Variants in CDH13 observed in about 807,000 individuals in gnomAD.
The protein encoded by CDH13 is cadherin-13.
CDH13 carries 24 observed loss-of-function variants against 63.8 expected under a neutral mutation model. The observed-to-expected ratio is 0.38, with a 90% confidence interval of 0.27 to 0.53. CDH13 has a LOEUF of 0.53. Among genes scored for constraint, CDH13 ranks in the 20% least tolerant of loss-of-function variants. The pLI is 0.85. For synonymous variants in CDH13, 503 were observed against 355.3 expected, an observed-to-expected ratio of 1.42 and a Z score of -4.67; for missense variants, 1,049 against 903.1, an observed-to-expected ratio of 1.16 and a Z score of -2.07.
intron 6 of CDH13, among the ~76,000 whole-genome samples, chr16:83,362,248 C>T (rs967250308): frequency 2.6e-5 from 4 of 152,184 alleles, no homozygotes; most frequent in South Asian, 2.1e-4. Context: ...TCCACATATT[C>T]ATGAGGCAAT....
intron 1 of CDH13, among the ~76,000 whole-genome samples, chr16:82,813,427 A>G (rs2037547487): frequency 6.6e-6 from 1 of 152,142 alleles, no homozygotes; most frequent in South Asian, 2.1e-4. Context: ...GCAGATATTA[A>G]AACCTTATTG....
intron 11 of CDH13, among the ~76,000 whole-genome samples, chr16:83,754,639 T>G (rs1424504150): frequency 6.6e-6 from 1 of 152,198 alleles, no homozygotes; most frequent in African/African-American, 2.4e-5. Context: ...TCATGAGATC[T>G]GATGGTTTTA....
At chr16:82,954,442 C>G (rs906094678) in intron 2 of CDH13, 3 of 152,040 alleles carry the variant, frequency 2.0e-5, no homozygotes, top group African/African-American at 7.2e-5. Flanking sequence ...GCTGCACTTC[C>G]GTCCTACAAG....
chr16:83,024,538 C>G (rs1915624595), intron 2 of CDH13, among the ~76,000 whole-genome samples: 2 of 152,096 alleles, frequency 1.3e-5, no homozygotes, highest in South Asian at 4.2e-4. Flanking sequence ...TTGGATTTGA[C>G]CTCGGTTCAT....
intron 2 of CDH13, among the ~76,000 whole-genome samples, chr16:82,925,047 C>G (rs537473623): frequency 6.6e-6 from 1 of 152,104 alleles, no homozygotes; most frequent in Non-Finnish European, 1.5e-5. Flanking sequence ...TATTTTTCTT[C>G]CATTAATCAT....
At chr16:83,006,428 T>TA (rs1019896607) in intron 2 of CDH13, among the ~76,000 whole-genome samples, 3 of 152,174 alleles carry the variant, frequency 2.0e-5, no homozygotes, top group Non-Finnish European at 4.4e-5. Flanking sequence ...AGCTCCTCTC[T>TA]AAAAAATGCC....
At chr16:82,694,886 G>A (rs1449937523) in intron 1 of CDH13, among the ~76,000 whole-genome samples, 1 of 152,158 alleles carries the variant, frequency 6.6e-6, no homozygotes, top group East Asian at 1.9e-4. Context: ...GGCGCCTTGG[G>A]TATTCTTACT....
chr16:83,664,721 G>A (rs2150843765), intron 8 of CDH13, among the ~76,000 whole-genome samples: 1 of 152,190 alleles, frequency 6.6e-6, no homozygotes, highest in African/African-American at 2.4e-5. Context: ...AATTGATCTA[G>A]CACCATTTAC....
chr16:83,240,057 G>A (rs570726081), intron 5 of CDH13, among the ~76,000 whole-genome samples: 1 of 152,204 alleles, frequency 6.6e-6, no homozygotes, highest in Admixed American at 6.5e-5. Flanking sequence ...GCAGGAGGTT[G>A]GGTGCAGGGG....
rs530168524 is a variant in CDH13 at position 83,156,529 on chromosome 16, C to T, written c.483+31028C>T. 2.0e-5 allele frequency among the ~76,000 whole-genome samples: 3 copies of T among 152,202 alleles called. No individual in the cohort carries two copies. In the East Asian group the frequency reaches 5.8e-4, roughly 29 times the overall value. On this transcript the variant is annotated intron_variant, in intron 4 of 13. Coordinates refer to ENST00000567109, the MANE Select transcript of CDH13 (RefSeq NM_001257.5). ...TGTGTCCAAGCTGATGAAGGGTGCT[C>T]TTTTAAGTTGGAGAAAATTGATTTT... is the stretch of plus-strand genomic sequence containing the variant.
chr16:83,667,577 C>G (rs11525693), intron 8 of CDH13, among the ~76,000 whole-genome samples: 15,424 of 152,108 alleles, frequency 0.1, 850 homozygotes, highest in East Asian at 0.21. Flanking sequence ...GCACCATTAT[C>G]ACAGTGCTAG....
intron 1 of CDH13, among the ~76,000 whole-genome samples, chr16:82,842,112 GTATA>G (rs1239169050): frequency 3.7e-4 from 22 of 58,962 alleles, no homozygotes; most frequent in African/African-American, 1.5e-3. Context: ...ATATATATAT[GTATA>G]TATATATATA....
At chr16:83,264,111 C>T (rs1263048879) in intron 5 of CDH13, among the ~76,000 whole-genome samples, 1 of 152,186 alleles carries the variant, frequency 6.6e-6, no homozygotes, top group African/African-American at 2.4e-5. Flanking sequence ...ACCCCATTTT[C>T]AAGGCAACTG....
At chr16:82,663,533 C>G (rs1912226006) in intron 1 of CDH13, among the ~76,000 whole-genome samples, 1 of 152,160 alleles carries the variant, frequency 6.6e-6, no homozygotes, top group African/African-American at 2.4e-5. Flanking sequence ...AGTGACTCCC[C>G]TAGAAATTCA....
intron 8 of CDH13, among the ~76,000 whole-genome samples, chr16:83,620,065 G>T (rs1909665239): frequency 6.6e-6 from 1 of 152,034 alleles, no homozygotes; most frequent in South Asian, 2.1e-4. Flanking sequence ...TTTATTCCAA[G>T]TGCATGGGGA....
chr16:82,675,579 G>T (rs1252074491), intron 1 of CDH13, among the ~76,000 whole-genome samples: 1 of 152,114 alleles, frequency 6.6e-6, no homozygotes, highest in African/African-American at 2.4e-5. Context: ...CAATTCCTTT[G>T]GTTAAAGATG....
intron 7 of CDH13, among the ~76,000 whole-genome samples, chr16:83,492,240 A>T (rs1213706163): frequency 6.6e-6 from 1 of 152,214 alleles, no homozygotes; most frequent in Non-Finnish European, 1.5e-5. Flanking sequence ...CAGTGCCTTC[A>T]ATGAAAGATA....
rs535577450 is a variant in CDH13 at position 83,029,035 on chromosome 16, T to C, written c.158-2975T>C. 2.9e-4 allele frequency among the ~76,000 whole-genome samples: 44 copies of C among 152,268 alleles called. 1 individual carries two copies. The highest frequency in any genetic ancestry group is 9.6e-4 in the African/African-American group (40 of 41,544). On this transcript the variant is annotated intron_variant, in intron 2 of 13. Coordinates refer to ENST00000567109, the MANE Select transcript of CDH13 (RefSeq NM_001257.5). ...CCTCAGTTTCCTTATCTAGAAACTG[T>C]AGGAGAAGGGGATCAAAATAGTACT...
intron 1 of CDH13, among the ~76,000 whole-genome samples, chr16:82,850,613 G>A (rs1383083175): frequency 1.3e-5 from 2 of 152,190 alleles, no homozygotes; most frequent in Admixed American, 6.5e-5. Flanking sequence ...AAGTTCTCCT[G>A]TGGGTTAGAT....
Sources: gnomAD v4.1 joint callset for allele counts (sites outside exome capture counted in the v4.1 genomes callset) on GRCh38, gnomAD v4.1.1 for gene constraint, MANE v1.5 for transcripts, NCBI Gene and HGNC (gene_info 2026-07-23, HGNC 2026-07-21) for gene names.